Variants in MAST2 observed in about 807,000 individuals in gnomAD.
MAST2 encodes the protein microtubule associated serine/threonine kinase 2.
A neutral mutation model predicts 147.4 loss-of-function variants in MAST2; 70 were observed. That is an observed-to-expected ratio of 0.47 (90% CI 0.39 to 0.58). The LOEUF (loss-of-function observed/expected upper bound fraction) is 0.58, where lower values mean the gene tolerates loss of function less well. Ranked by LOEUF, MAST2 falls within the 20% of genes least tolerant of loss-of-function variation. MAST2 has a pLI of 0.00. For missense variants in MAST2, 2,080 were observed against 2,302.3 expected (o/e 0.90, Z 1.98); for synonymous variants, 869 against 896.8 (o/e 0.97, Z 0.55).
intron 11 of MAST2, 41 bp downstream of exon 11, chr1:46,019,738 G>A (rs1260322892): frequency 2.6e-6 from 4 of 1,521,704 alleles, no homozygotes; most frequent in African/African-American, 1.4e-5. Flanking sequence ...AGATTTAGAG[G>A]AGGACTATAG....
Position 45,931,355 on chromosome 1 carries a change from C to G in MAST2, c.501-28031C>G, listed in dbSNP as rs550893334. Among the ~76,000 whole-genome samples, 674 of 130,338 alleles carry G rather than the reference C, an allele frequency of 5.2e-3. 10 individuals carry two copies. The highest frequency in any genetic ancestry group is 3.7e-3 in the Non-Finnish European group (227 of 62,152). 85.5% of individuals were successfully genotyped at this position (130,338 alleles called of 152,430 possible). Reference sequence around the variant, plus strand: ...TTATGAACCTTTGGCAGAAATATCACAAAAAGGTGGTATTGTGTTCTGTTT... The same window carrying G: ...TTATGAACCTTTGGCAGAAATATCAGAAAAAGGTGGTATTGTGTTCTGTTT... On this transcript the variant is annotated intron_variant, in intron 4 of 28. Coordinates refer to ENST00000361297, the MANE Select transcript of MAST2 (RefSeq NM_015112.3).
chr1:45,821,129 G>A (rs1026880840), intron 1 of MAST2, among the ~76,000 whole-genome samples: 1 of 151,710 alleles, frequency 6.6e-6, no homozygotes, highest in South Asian at 2.1e-4. Flanking sequence ...CAAACTCCTG[G>A]GCTCAAGCAA....
At chr1:45,843,106 T>C (rs1319498042) in intron 3 of MAST2, among the ~76,000 whole-genome samples, 2 of 152,322 alleles carry the variant, frequency 1.3e-5, no homozygotes, top group South Asian at 4.1e-4. Context: ...AAAATGTCTA[T>C]ACAAGTCCTT....
chr1:45,906,194 A>C (rs1650694074), intron 4 of MAST2, among the ~76,000 whole-genome samples: 2 of 152,150 alleles, frequency 1.3e-5, no homozygotes, highest in Non-Finnish European at 2.9e-5. Context: ...ATTTTGTCAG[A>C]TATATATAGT....
intron 4 of MAST2, among the ~76,000 whole-genome samples, chr1:45,895,864 T>C (rs577552733): frequency 6.6e-6 from 1 of 152,330 alleles, no homozygotes; most frequent in Admixed American, 6.5e-5. Flanking sequence ...TATGTGTTCA[T>C]CTATTTAAAT....
chr1:46,032,856 G>A (rs560806006), intron 26 of MAST2, 138 bp downstream of exon 26: 71 of 1,193,408 alleles, frequency 5.9e-5, no homozygotes, highest in African/African-American at 4.2e-4. Context: ...CAGGCCGGGC[G>A]CGGTGGCTCA....
chr1:45,935,052 C>T (rs1440187251), intron 4 of MAST2, among the ~76,000 whole-genome samples: 6 of 152,154 alleles, frequency 3.9e-5, no homozygotes, highest in South Asian at 4.1e-4. Context: ...TCTGCAGTCT[C>T]GCCAGCATCC....
At chr1:45,855,856 C>G (rs1180997013) in intron 3 of MAST2, among the ~76,000 whole-genome samples, 1 of 152,078 alleles carries the variant, frequency 6.6e-6, no homozygotes, top group Non-Finnish European at 1.5e-5. Flanking sequence ...ATTGCTCTGG[C>G]TAGGATTTAA....
intron 3 of MAST2, among the ~76,000 whole-genome samples, chr1:45,877,779 C>G (rs916737117): frequency 6.6e-6 from 1 of 151,878 alleles, no homozygotes; most frequent in Non-Finnish European, 1.5e-5. Flanking sequence ...TTTTAGGAGA[C>G]CGGCATAATT....
chr1:45,815,042 T>C (rs762816700), intron 1 of MAST2, among the ~76,000 whole-genome samples: 2 of 152,216 alleles, frequency 1.3e-5, no homozygotes, highest in Non-Finnish European at 1.5e-5. Context: ...TTGTACCAGC[T>C]TGAGTGTAGG....
chr1:45,815,415 C>A (rs575238930), intron 1 of MAST2, among the ~76,000 whole-genome samples: 56 of 152,124 alleles, frequency 3.7e-4, no homozygotes, highest in African/African-American at 1.3e-3. Context: ...GGTGATCCAC[C>A]CTCCTCAGCC....
chr1:46,023,350 T>C lies in MAST2; in HGVS notation c.1571+32T>C. The C allele has an allele frequency of 6.3e-7, 1 of 1,590,032 alleles. No homozygotes were observed. On this transcript the variant is annotated intron_variant, in intron 14 of 28. Transcript: ENST00000361297. This position sits in a 1 kb window ranked among gnomAD's most constrained non-coding sequence, Gnocchi z 4.9. ...GCAGGGGTCAGGGTGTGGCCAGGAC[T>C]GAAGCCGGGTCAGCCTTTGATCTCT...
At chr1:46,000,451 C>A (rs1042886698) in intron 6 of MAST2, among the ~76,000 whole-genome samples, 1 of 152,162 alleles carries the variant, frequency 6.6e-6, no homozygotes, top group Non-Finnish European at 1.5e-5. Context: ...GTAGACCATT[C>A]CAGGCAGAGG....
At position 46,036,083 on chromosome 1, in the gene MAST2, C is replaced by A; in HGVS notation, c.*17C>A. 6.3e-7 allele frequency: 1 copy of A among 1,585,848 alleles called. No individual in the cohort carries two copies. The highest frequency in any genetic ancestry group is 8.6e-7 in the Non-Finnish European group (1 of 1,165,572). On this transcript the variant is annotated 3_prime_UTR_variant, in exon 29 of 29. Coordinates refer to ENST00000361297, the MANE Select transcript of MAST2 (RefSeq NM_015112.3). ...CAAACATAGCAGTTGTTTGCCATTTCTTGCACTCAGACCTGTGTAATATAT... is the reference window on the plus strand; with the variant it reads ...CAAACATAGCAGTTGTTTGCCATTTATTGCACTCAGACCTGTGTAATATAT...
chr1:45,855,815 A>G (rs977629541), intron 3 of MAST2, among the ~76,000 whole-genome samples: 3 of 151,984 alleles, frequency 2.0e-5, no homozygotes, highest in Admixed American at 6.6e-5. Flanking sequence ...TTTCCAATCT[A>G]TATATTCCTT....
intron 5 of MAST2, among the ~76,000 whole-genome samples, chr1:45,965,480 G>T (rs182227197): frequency 1.3e-5 from 2 of 152,066 alleles, no homozygotes; most frequent in African/African-American, 2.4e-5. Context: ...ATTATGTAAT[G>T]GCCTTCTTTG....
chr1:45,913,480 G>T, intron 4 of MAST2: 1 of 566,202 alleles, frequency 1.8e-6, no homozygotes. Flanking sequence ...TGATTTGTGG[G>T]GGAGGGAGTT....
At chr1:45,908,117 T>C (rs148045194) in intron 4 of MAST2, among the ~76,000 whole-genome samples, 72 of 152,252 alleles carry the variant, frequency 4.7e-4, no homozygotes, top group Non-Finnish European at 8.7e-4. Context: ...TTTGGTTTTG[T>C]TAATTTTTTT....
In MAST2 at chr1:45,904,194, C is replaced by T. The variant is rs556855769; in HGVS notation, c.500+21799C>T. On this transcript the variant is annotated intron_variant, in intron 4 of 28. Coordinates refer to ENST00000361297, the MANE Select transcript of MAST2 (RefSeq NM_015112.3). Reference sequence around the variant, plus strand: ...TTTTAATTTTTTTTTTTTTTTGAGACGAAGGCTTACTCTTGTCCCCCAGGC... The same window carrying T: ...TTTTAATTTTTTTTTTTTTTTGAGATGAAGGCTTACTCTTGTCCCCCAGGC... Among the ~76,000 whole-genome samples, 14 of 146,008 alleles carry T rather than the reference C, an allele frequency of 9.6e-5. No individual in the cohort carries two copies. The South Asian group carries it at 1.7e-3, about 18-fold the overall frequency.
Sources: allele counts gnomAD v4.1 joint callset (sites outside exome capture counted in the v4.1 genomes callset), GRCh38; gene constraint gnomAD v4.1.1; non-coding constraint Gnocchi (gnomAD v3.1); transcripts MANE v1.5; gene names NCBI Gene and HGNC (gene_info 2026-07-23, HGNC 2026-07-21).